TBC1D19: variants seen among roughly 807,000 people sequenced by gnomAD.
TBC1D19 encodes the protein TBC1 domain family member 19.
In TBC1D19, 60 loss-of-function variants were observed where a neutral mutation model predicts 89.0. The ratio of observed to expected loss-of-function variants is 0.67; its 90% confidence interval spans 0.55 to 0.84. The LOEUF (loss-of-function observed/expected upper bound fraction) is 0.84, where lower values mean the gene tolerates loss of function less well. Among genes scored for constraint, TBC1D19 ranks in the 40% least tolerant of loss-of-function variants. The probability of loss-of-function intolerance (pLI) is 0.00; values close to 1 mark genes in which losing one functional copy is unlikely to be tolerated. For missense variants in TBC1D19, 500 were observed against 610.8 expected (o/e 0.82, Z 1.91); for synonymous variants, 189 against 199.7 (o/e 0.95, Z 0.45).
the TBC1D19 span, among the ~76,000 whole-genome samples, chr4:26,802,511 A>T: frequency 6.6e-6 from 1 of 152,138 alleles, no homozygotes; most frequent in Non-Finnish European, 1.5e-5. Context: ...CTGAGGCACA[A>T]GAGTTGCTTG....
intron 18 of TBC1D19, among the ~76,000 whole-genome samples, chr4:26,744,977 TA>T (rs1718569492): frequency 1.3e-5 from 2 of 152,336 alleles, no homozygotes; most frequent in South Asian, 4.1e-4. Flanking sequence ...GCTCTAATTA[TA>T]ATTGTGGATT....
At chr4:26,699,070 A>G (rs1343646668) in intron 13 of TBC1D19, among the ~76,000 whole-genome samples, 1 of 152,234 alleles carries the variant, frequency 6.6e-6, no homozygotes, top group Non-Finnish European at 1.5e-5. Context: ...ATCAGAGTGA[A>G]CAGGCAACCT....
chr4:26,752,906 G>A (rs994428096), intron 19 of TBC1D19, among the ~76,000 whole-genome samples: 1 of 152,096 alleles, frequency 6.6e-6, no homozygotes, highest in Non-Finnish European at 1.5e-5. Flanking sequence ...CACTTCTCCT[G>A]CCTCAGCTTC....
At chr4:26,726,387 A>T (rs1278202198) in intron 15 of TBC1D19, among the ~76,000 whole-genome samples, 4 of 152,206 alleles carry the variant, frequency 2.6e-5, no homozygotes, top group Non-Finnish European at 5.9e-5. Flanking sequence ...CATCCATATT[A>T]ATTAAATAAA....
chr4:26,590,972 A>T (rs533863045), intron 1 of TBC1D19, among the ~76,000 whole-genome samples: 2 of 151,376 alleles, frequency 1.3e-5, no homozygotes, highest in South Asian at 2.1e-4. Flanking sequence ...TGACAAATAC[A>T]TGGTGTCCTG....
At position 26,720,101 on chromosome 4, in the gene TBC1D19, T is replaced by C. The variant is rs951276552; in HGVS notation, c.1060T>C (p.Tyr354His). The C allele has an allele frequency of 8.1e-6, 13 of 1,605,188 alleles. No homozygotes were observed. Among genetic ancestry groups the C allele is most frequent in the Non-Finnish European group, 1.1e-5 (13 of 1,175,516 alleles). ...YIRGKLGLEE[Y>H]AVFYPPNGVI... ...TATAGGAAAACTAGGACTGGAAGAA[T>C]ATGCTGTCTTTTACCCACCAAATGG... Residue 354 changes from tyrosine (Y) to histidine (H), a missense_variant, in exon 15 of 21, where the codon TAT becomes CAT. Around this residue, in one of 2 missense-constraint regions of TBC1D19, gnomAD observed 220 missense variants for 319.1 expected, o/e 0.69. Transcript: ENST00000264866.
At chr4:26,594,309 G>T (rs1261603146) in intron 1 of TBC1D19, among the ~76,000 whole-genome samples, 1 of 152,188 alleles carries the variant, frequency 6.6e-6, no homozygotes, top group Non-Finnish European at 1.5e-5. Flanking sequence ...ATGGACACAG[G>T]AAGGGGAACA....
the TBC1D19 span, chr4:26,858,542 A>G: frequency 6.6e-6 from 1 of 152,260 alleles, no homozygotes; most frequent in Non-Finnish European, 1.5e-5. Context: ...TGGCTTGCAA[A>G]TAGAAGCATA....
chr4:26,717,260 C>A (rs993293351), intron 13 of TBC1D19, among the ~76,000 whole-genome samples: 19 of 151,970 alleles, frequency 1.3e-4, no homozygotes, highest in Non-Finnish European at 2.5e-4. Context: ...ATACTGAGAC[C>A]CAGATTTCCT....
At chr4:26,652,396 G>A (rs1231272702) in intron 7 of TBC1D19, among the ~76,000 whole-genome samples, 1 of 152,106 alleles carries the variant, frequency 6.6e-6, no homozygotes, top group Admixed American at 6.6e-5. Context: ...TTCAGAGCCT[G>A]TTATTTTTTT....
At position 26,654,028 on chromosome 4, in the gene TBC1D19, T is replaced by C. The variant is rs182996364; in HGVS notation, c.481-5569T>C. Among the ~76,000 whole-genome samples the C allele has an allele frequency of 3.5e-3, 540 of 152,320 alleles. 6 individuals carry two copies. Among genetic ancestry groups the C allele is most frequent in the African/African-American group, 0.012 (510 of 41,566 alleles). On this transcript the variant is annotated intron_variant, in intron 7 of 20. Coordinates refer to ENST00000264866, the MANE Select transcript of TBC1D19 (RefSeq NM_018317.4). ...GGCTGGTACCGGTTATTCCTTTCCA[T>C]GTTTAGTGCTTCCTTCAGGAGCTCT...
At chr4:26,625,884 A>T (rs1742358029) in intron 4 of TBC1D19, among the ~76,000 whole-genome samples, 1 of 152,064 alleles carries the variant, frequency 6.6e-6, no homozygotes, top group South Asian at 2.1e-4. Context: ...TGATCATCTG[A>T]CTGAGGTAGT....
chr4:26,662,245 C>T (rs260942), intron 8 of TBC1D19, among the ~76,000 whole-genome samples: 1 of 152,118 alleles, frequency 6.6e-6, no homozygotes, highest in African/African-American at 2.4e-5. Flanking sequence ...ATTCTCAGAA[C>T]GATAAGATAT....
At chr4:26,766,946 A>G in the TBC1D19 span, among the ~76,000 whole-genome samples, 3 of 152,208 alleles carry the variant, frequency 2.0e-5, no homozygotes, top group Non-Finnish European at 4.4e-5. Context: ...TGATGCATAA[A>G]ATAGCAAGCT....
chr4:26,830,011 G>C, the TBC1D19 span, among the ~76,000 whole-genome samples: 1 of 152,120 alleles, frequency 6.6e-6, no homozygotes, highest in Admixed American at 6.5e-5. Flanking sequence ...GCCATCAGGA[G>C]CTGGATTTGA....
chr4:26,596,008 G>A, intron 1 of TBC1D19, among the ~76,000 whole-genome samples: 1 of 152,088 alleles, frequency 6.6e-6, no homozygotes. Flanking sequence ...CCGGGCTGGA[G>A]TGTGGTGGCA....
chr4:26,591,204 C>T (rs1398086349), intron 1 of TBC1D19, among the ~76,000 whole-genome samples: 1 of 151,890 alleles, frequency 6.6e-6, no homozygotes, highest in Admixed American at 6.6e-5. Flanking sequence ...TAATGTTCCT[C>T]TCTGTCTTTT....
downstream of TBC1D19, among the ~76,000 whole-genome samples, chr4:26,757,762 C>A (rs913552441): frequency 8.5e-5 from 13 of 152,144 alleles, no homozygotes; most frequent in Non-Finnish European, 1.3e-4. Flanking sequence ...TCTCTCCCCC[C>A]AGATTTATCT....
the TBC1D19 span, among the ~76,000 whole-genome samples, chr4:26,817,099 AGCT>A: frequency 6.6e-6 from 1 of 152,196 alleles, no homozygotes; most frequent in South Asian, 2.1e-4. Flanking sequence ...TTTACTCTAA[AGCT>A]TGAGAGACCT....
Sources: allele counts gnomAD v4.1 joint callset (sites outside exome capture counted in the v4.1 genomes callset), GRCh38; gene constraint gnomAD v4.1.1; regional missense constraint gnomAD v4.1.1; transcripts MANE v1.5; gene names NCBI Gene and HGNC (gene_info 2026-07-23, HGNC 2026-07-21).